PPEF1: variants seen among roughly 807,000 people sequenced by gnomAD.
The protein encoded by PPEF1 is serine/threonine-protein phosphatase with EF-hands 1.
In PPEF1, 12 loss-of-function variants were observed where a neutral mutation model predicts 53.3. That is an observed-to-expected ratio of 0.23 (90% CI 0.14 to 0.36). The LOEUF (loss-of-function observed/expected upper bound fraction) is 0.36. PPEF1 is among the 10% of genes least tolerant of loss of function. The pLI is 1.00. For synonymous variants in PPEF1, 165 were observed against 176.7 expected, an observed-to-expected ratio of 0.93 and a Z score of 0.52; for missense variants, 334 against 490.4, an observed-to-expected ratio of 0.68 and a Z score of 3.01.
chrX:18,685,378 A>G (rs1411748357), intron 2 of PPEF1, among the ~76,000 whole-genome samples: 2 of 112,175 alleles, frequency 1.8e-5, no homozygotes, highest in Non-Finnish European at 3.8e-5. Flanking sequence ...TTCCTCTGCT[A>G]AATCCTGTTA....
intron 3 of PPEF1, among the ~76,000 whole-genome samples, chrX:18,743,836 A>G (rs2045261320): frequency 9.1e-6 from 1 of 109,569 alleles, no homozygotes; most frequent in African/African-American, 3.3e-5. Flanking sequence ...CCATTTTTCT[A>G]TTGGGTTATT....
At chrX:18,747,841 T>C (rs2045362023) in intron 3 of PPEF1, among the ~76,000 whole-genome samples, 1 of 112,468 alleles carries the variant, frequency 8.9e-6, no homozygotes, top group South Asian at 3.6e-4. Flanking sequence ...TGTTAGATGA[T>C]ATAGTGAAAG....
chrX:18,757,361 C>A (rs1416765961), intron 4 of PPEF1, among the ~76,000 whole-genome samples: 2 of 109,481 alleles, frequency 1.8e-5, no homozygotes, highest in African/African-American at 6.7e-5. Context: ...TGCACGTTTC[C>A]CTAGGGCAAG....
chrX:18,688,699 A>G (rs1469825415), intron 3 of PPEF1: 1 of 112,373 alleles, frequency 8.9e-6, no homozygotes, highest in Non-Finnish European at 1.9e-5. Context: ...TTTTGGTCTT[A>G]CTACTGAGTA....
intron 2 of PPEF1, among the ~76,000 whole-genome samples, chrX:18,731,171 A>G (rs1166035508): frequency 8.9e-6 from 1 of 112,698 alleles, no homozygotes; most frequent in Non-Finnish European, 1.9e-5. Flanking sequence ...TATCTCATTT[A>G]TGTGAAAGAA....
intron 2 of PPEF1, among the ~76,000 whole-genome samples, chrX:18,732,750 C>T (rs1387014037): frequency 8.9e-6 from 1 of 112,273 alleles, no homozygotes; most frequent in Admixed American, 9.5e-5. Context: ...ATTATTTGTG[C>T]TGTACAAATG....
chrX:18,681,213 G>A (rs984548831), upstream of PPEF1, among the ~76,000 whole-genome samples: 3 of 111,706 alleles, frequency 2.7e-5, no homozygotes, highest in East Asian at 2.8e-4. Flanking sequence ...TCTTGACCTC[G>A]TGATCCGCCC....
chrX:18,690,049 C>T (rs1017040132), intron 3 of PPEF1, among the ~76,000 whole-genome samples: 2 of 111,335 alleles, frequency 1.8e-5, no homozygotes, highest in African/African-American at 6.5e-5. Flanking sequence ...TTGTCCTTTG[C>T]AATTTCACAT....
chrX:18,715,513 A>G (rs759920782), intron 1 of PPEF1, among the ~76,000 whole-genome samples: 74 of 111,569 alleles, frequency 6.6e-4, no homozygotes, highest in Non-Finnish European at 1.0e-3. Flanking sequence ...CAGCCTGGGC[A>G]ACAGAGTGAG....
chrX:18,783,260 G>A (rs1006287836), intron 8 of PPEF1, among the ~76,000 whole-genome samples: 4 of 109,978 alleles, frequency 3.6e-5, no homozygotes, highest in Admixed American at 2.9e-4. Context: ...CCCGGGATGA[G>A]GAGTGTGAGA....
At chrX:18,730,116 C>G (rs760173840) in intron 1 of PPEF1, 65 bp from the exon 2 acceptor site, 16 of 1,105,098 alleles carry the variant, frequency 1.4e-5, no homozygotes, top group Non-Finnish European at 1.9e-5. Context: ...ACTGAAGCAC[C>G]TACTTCTCCT....
intron 10 of PPEF1, among the ~76,000 whole-genome samples, chrX:18,792,814 C>T (rs763304466): frequency 3.6e-5 from 4 of 111,609 alleles, no homozygotes; most frequent in African/African-American, 6.5e-5. Context: ...GGAGTGGCCC[C>T]GAGCATACGG....
At chrX:18,806,255 T>C (rs2046660883) in intron 11 of PPEF1, 148 bp from the exon 12 acceptor site, 3 of 643,471 alleles carry the variant, frequency 4.7e-6, no homozygotes, top group Non-Finnish European at 7.1e-6. Context: ...GATGCAGTCA[T>C]AGAAATCACA....
chrX:18,742,168 C>T (rs1271593850), intron 3 of PPEF1, among the ~76,000 whole-genome samples: 1 of 111,316 alleles, frequency 9.0e-6, no homozygotes, highest in East Asian at 2.8e-4. Flanking sequence ...ATTTTTATTG[C>T]TGAATAATAT....
intron 1 of PPEF1, among the ~76,000 whole-genome samples, chrX:18,676,930 C>A (rs751313682): frequency 9.0e-6 from 1 of 111,326 alleles, no homozygotes; most frequent in South Asian, 3.8e-4. Context: ...TTGCATGCGA[C>A]ACAGGTATCT....
At chrX:18,698,233 A>C (rs1297957569) in intron 5 of PPEF1, among the ~76,000 whole-genome samples, 1 of 112,443 alleles carries the variant, frequency 8.9e-6, no homozygotes, top group Non-Finnish European at 1.9e-5. Flanking sequence ...GAGGCTGACC[A>C]TAAGACCCCT....
At chrX:18,771,935 C>T (rs950371816) in intron 6 of PPEF1, among the ~76,000 whole-genome samples, 79 of 110,950 alleles carry the variant, frequency 7.1e-4, no homozygotes, top group African/African-American at 2.4e-3. Flanking sequence ...GCCAACATGG[C>T]GAAACCCCGT....
At chrX:18,683,255 A>G (rs1183887150) in intron 1 of PPEF1, among the ~76,000 whole-genome samples, 2 of 111,546 alleles carry the variant, frequency 1.8e-5, no homozygotes, top group Non-Finnish European at 1.9e-5. Flanking sequence ...GTTCTCATGT[A>G]CAGCAGGGCG....
intron 10 of PPEF1, among the ~76,000 whole-genome samples, chrX:18,798,124 C>T (rs1252266882): frequency 9.1e-6 from 1 of 110,284 alleles, no homozygotes; most frequent in African/African-American, 3.3e-5. Flanking sequence ...TCCTGTAGTC[C>T]AGGTGGGAAT....
Sources: gnomAD v4.1 joint callset for allele counts (sites outside exome capture counted in the v4.1 genomes callset) on GRCh38, gnomAD v4.1.1 for gene constraint, MANE v1.5 for transcripts, NCBI Gene and HGNC (gene_info 2026-07-23, HGNC 2026-07-21) for gene names.